The following HRH2 variants were observed in gnomAD, a reference collection of about 807,000 sequenced individuals.
HRH2 encodes histamine H2 receptor.
In HRH2, 4 loss-of-function variants were observed where a neutral mutation model predicts 20.1. The ratio of observed to expected loss-of-function variants is 0.20; its 90% confidence interval spans 0.10 to 0.45. The LOEUF (loss-of-function observed/expected upper bound fraction) is 0.45. HRH2 is among the 20% of genes least tolerant of loss of function. The probability of loss-of-function intolerance (pLI) is 0.99; values close to 1 mark genes in which losing one functional copy is unlikely to be tolerated. For missense variants in HRH2, 250 were observed against 461.6 expected, an observed-to-expected ratio of 0.54 and a Z score of 4.20; for synonymous variants, 197 against 200.7, an observed-to-expected ratio of 0.98 and a Z score of 0.16.
At chr5:175,666,082 G>A (rs914105683) in intron 1 of HRH2, among the ~76,000 whole-genome samples, 1 of 152,120 alleles carries the variant, frequency 6.6e-6, no homozygotes, top group Non-Finnish European at 1.5e-5. Context: ...ATCCAGCTGG[G>A]CACTGCACCC....
rs2113466316 is a variant in HRH2 at position 175,661,543 on chromosome 5, C to T, written c.-526+3388C>T. On this transcript the variant is annotated intron_variant, in intron 1 of 2. Transcript: ENST00000636584. Reference sequence around the variant, plus strand: ...AATTCGAACACTGGCCATCTAAATCCACGGCCTACACTCCTAATCAGGGTC... The same window carrying T: ...AATTCGAACACTGGCCATCTAAATCTACGGCCTACACTCCTAATCAGGGTC... Among the ~76,000 whole-genome samples the T allele has an allele frequency of 1.3e-5, 2 of 152,242 alleles. 1 individual carries two copies. The highest frequency in any genetic ancestry group is 4.2e-4 in the South Asian group (2 of 4,818).
chr5:175,701,841 C>T (rs1321730461), intron 2 of HRH2, among the ~76,000 whole-genome samples: 8 of 152,170 alleles, frequency 5.3e-5, no homozygotes, highest in Non-Finnish European at 1.2e-4. Context: ...TACTGCTCGG[C>T]AGATATCGCG....
chr5:175,668,971 G>A (rs910612040), intron 1 of HRH2, among the ~76,000 whole-genome samples: 2 of 152,144 alleles, frequency 1.3e-5, no homozygotes, highest in Non-Finnish European at 2.9e-5. Context: ...TCCTCAGGAG[G>A]TCCCTGCTTT....
chr5:175,700,655 G>A (rs895045477), intron 2 of HRH2, among the ~76,000 whole-genome samples: 2 of 152,146 alleles, frequency 1.3e-5, no homozygotes, highest in East Asian at 1.9e-4. Context: ...TTGGGAGGCC[G>A]AGGCAGACAG....
At chr5:175,702,718 ATTTTTTC>A (rs1756826219) in intron 2 of HRH2, among the ~76,000 whole-genome samples, 2 of 139,752 alleles carry the variant, frequency 1.4e-5, no homozygotes, top group Non-Finnish European at 1.5e-5. Flanking sequence ...CGCCTGGCTA[ATTTTTTC>A]TTTTTTTTTT....
At chr5:175,702,733 T>TC (rs1190715800) in intron 2 of HRH2, among the ~76,000 whole-genome samples, 2 of 148,732 alleles carry the variant, frequency 1.3e-5, no homozygotes, top group East Asian at 3.9e-4. Context: ...TTCTTTTTTT[T>TC]TTTTTTTTGT....
At chr5:175,684,870 C>T (rs555546306) in intron 2 of HRH2, among the ~76,000 whole-genome samples, 4 of 151,918 alleles carry the variant, frequency 2.6e-5, no homozygotes, top group African/African-American at 7.3e-5. Flanking sequence ...GCCTTGAAGG[C>T]GGCTGAGTTT....
At chr5:175,690,799 G>A (rs748523941) in intron 2 of HRH2, among the ~76,000 whole-genome samples, 5 of 152,142 alleles carry the variant, frequency 3.3e-5, no homozygotes, top group South Asian at 2.1e-4. Flanking sequence ...AGGTGGCCAC[G>A]CATCTGCTTT....
intron 1 of HRH2, among the ~76,000 whole-genome samples, chr5:175,663,590 A>G (rs1370780043): frequency 1.3e-5 from 2 of 152,120 alleles, no homozygotes; most frequent in Non-Finnish European, 2.9e-5. Flanking sequence ...CACTGTCTGC[A>G]TTTCTCCTCA....
At position 175,706,756 on chromosome 5, in the gene HRH2, A is replaced by G. The variant is rs578014311; in HGVS notation, c.1077-1023A>G. 3.3e-5 allele frequency among the ~76,000 whole-genome samples: 5 copies of G among 152,350 alleles called. 1 individual carries two copies. The highest frequency in any genetic ancestry group is 1.2e-4 in the African/African-American group (5 of 41,584). ...TGGCCTGGCCGGCACATGCCCTCAC[A>G]TGGAAGGAAGCGCAGATGTCAGCTA... On this transcript the variant is annotated intron_variant, in intron 2 of 2. Transcript: ENST00000636584.
In HRH2 at chr5:175,677,131, C is replaced by A. The variant is rs115506006; in HGVS notation, c.-525-5578C>A. Among the ~76,000 whole-genome samples the A allele has an allele frequency of 9.5e-3, 1,449 of 152,140 alleles. 26 individuals carry two copies. The highest frequency in any genetic ancestry group is 0.033 in the African/African-American group (1,380 of 41,498). On this transcript the variant is annotated intron_variant, in intron 1 of 2. Transcript: ENST00000636584. This position sits in a 1 kb window ranked among gnomAD's most constrained non-coding sequence, Gnocchi z 4.2. ...CACCTCGGCCTCCCGAGTAGCCTGC[C>A]CTACAGGCGTGCACAACTATGCCCA...
rs185684444 is a variant in HRH2, at chr5:175,677,866, C to A, written c.-525-4843C>A. Among the ~76,000 whole-genome samples, 153 of 152,320 alleles carry A rather than the reference C, an allele frequency of 1.0e-3. No homozygotes were observed. Among genetic ancestry groups the A allele is most frequent in the Non-Finnish European group, 1.3e-4 (9 of 68,018 alleles). ...TGCGCCACTTTTCCCGCCTTCCAAT[C>A]ACATCACCCTCTGCTCGAACTTCCC... is the stretch of plus-strand genomic sequence containing the variant. On this transcript the variant is annotated intron_variant, in intron 1 of 2. Coordinates refer to ENST00000636584, the MANE Select transcript of HRH2 (RefSeq NM_001367711.1). The surrounding 1 kb of genome is among the most constrained non-coding windows in gnomAD (Gnocchi z 4.2).
intron 2 of HRH2, among the ~76,000 whole-genome samples, chr5:175,688,062 C>T (rs903781818): frequency 2.6e-5 from 4 of 152,192 alleles, no homozygotes; most frequent in Non-Finnish European, 5.9e-5. Context: ...GCCCCTCTCA[C>T]ATCACTCCAG....
rs1757004349 is a variant in HRH2, at chr5:175,708,210, GGTTCAAAGCTCAC to G, written c.*243_*255del. 2.8e-6 allele frequency: 1 copy of G among 362,304 alleles called. No individual in the cohort carries two copies. The highest frequency in any genetic ancestry group is 2.1e-5 in the African/African-American group (1 of 47,868). 22.4% of individuals were successfully genotyped at this position (362,304 alleles called of 1,614,324 possible). A position where few individuals can be genotyped will look rare whatever the true frequency, so the allele number is the denominator to read the frequency against. On this transcript the variant is annotated 3_prime_UTR_variant, in exon 3 of 3. Coordinates refer to ENST00000636584, the MANE Select transcript of HRH2 (RefSeq NM_001367711.1). Reference sequence around the variant, plus strand: ...GGGCCCGAGTGGGCTGAATCCCATGGGTTCAAAGCTCACGTTGGTGCTGGCCCTGGGAGTCATG... The same window carrying G: ...GGGCCCGAGTGGGCTGAATCCCATGGGTTGGTGCTGGCCCTGGGAGTCATG...
At chr5:175,701,334 C>A (rs374585005) in intron 2 of HRH2, among the ~76,000 whole-genome samples, 3 of 152,252 alleles carry the variant, frequency 2.0e-5, no homozygotes, top group East Asian at 3.9e-4. Flanking sequence ...AGCAGAAACC[C>A]AGTTAAAAGA....
intron 2 of HRH2, among the ~76,000 whole-genome samples, chr5:175,705,860 T>C (rs1174607688): frequency 1.3e-5 from 2 of 152,084 alleles, no homozygotes; most frequent in African/African-American, 4.8e-5. Flanking sequence ...AGACAAGGTT[T>C]CACCATGTTG....
chr5:175,685,094 C>A (rs1386535866), intron 2 of HRH2, among the ~76,000 whole-genome samples: 3 of 152,146 alleles, frequency 2.0e-5, no homozygotes, highest in Non-Finnish European at 4.4e-5. Context: ...TAAAAGCTTG[C>A]AGACTCTGGG....
chr5:175,660,070 A>G (rs1439009379), intron 1 of HRH2, among the ~76,000 whole-genome samples: 1 of 152,154 alleles, frequency 6.6e-6, no homozygotes, highest in East Asian at 1.9e-4. Flanking sequence ...ATGATTAACT[A>G]CTGACCCTCC....
intron 2 of HRH2, chr5:175,685,422 C>T: frequency 6.4e-7 from 1 of 1,551,090 alleles, no homozygotes; most frequent in East Asian, 2.4e-5. Flanking sequence ...ATGGCTTTGC[C>T]TTCCAGAATG....
Sources: allele counts gnomAD v4.1 joint callset (sites outside exome capture counted in the v4.1 genomes callset), GRCh38; gene constraint gnomAD v4.1.1; non-coding constraint Gnocchi (gnomAD v3.1); transcripts MANE v1.5; gene names NCBI Gene and HGNC (gene_info 2026-07-23, HGNC 2026-07-21).